The following TNN variants were observed in gnomAD, a reference collection of about 807,000 sequenced individuals.
TNN encodes the protein tenascin N, also known as tenascin-N.
A neutral mutation model predicts 134.4 loss-of-function variants in TNN; 122 were observed. The observed-to-expected ratio is 0.91, with a 90% CI of 0.78 to 1.06. The LOEUF is 1.06. TNN is among the 50% of genes least tolerant of loss of function. The pLI is 0.00. For synonymous variants in TNN, 710 were observed against 670.3 expected (o/e 1.06, Z -0.91); for missense variants, 1,739 against 1,699.4 (o/e 1.02, Z -0.41).
At chr1:175,126,911 A>T (rs770117868) in intron 12 of TNN, 44 bp from the exon 13 acceptor site, 1 of 1,571,056 alleles carries the variant, frequency 6.4e-7, no homozygotes, top group South Asian at 1.2e-5. Flanking sequence ...ACCTTGCCTC[A>T]GTTGTATCTT....
intron 17 of TNN, among the ~76,000 whole-genome samples, chr1:175,141,513 T>C (rs1675945163): frequency 6.6e-6 from 1 of 152,140 alleles, no homozygotes; most frequent in Non-Finnish European, 1.5e-5. Context: ...AATGGGTACC[T>C]GGATGAAAGG....
rs773607661 is a variant in TNN, at chr1:175,077,486, C to T, written c.68C>T (p.Ser23Leu). The change falls in exon 2 of 19, where the codon TCG becomes TTG. Residue 23 changes from serine (S) to leucine (L), a missense_variant. Transcript: ENST00000239462. ...LLLGSVLLVA[S>L]APATLEPPGC... ...CTTGGCTCTGTGCTCCTGGTGGCTT[C>T]GGCCCCAGCCACTCTGGAGCCTCCC... is the stretch of plus-strand genomic sequence containing the variant. The T allele has an allele frequency of 1.7e-5, 28 of 1,613,850 alleles. No homozygotes were observed. Among genetic ancestry groups the T allele is most frequent in the East Asian group, 1.6e-4 (7 of 44,874 alleles).
At chr1:175,138,364 C>T (rs912949864) in intron 17 of TNN, among the ~76,000 whole-genome samples, 1 of 152,136 alleles carries the variant, frequency 6.6e-6, no homozygotes, top group Non-Finnish European at 1.5e-5. Flanking sequence ...TTTCTATATA[C>T]ATAATCTTAG....
At position 175,077,626 on chromosome 1, in the gene TNN, G is replaced by A. The variant is rs41266076; in HGVS notation, c.208G>A (p.Ala70Thr). 9.2e-3 allele frequency: 14,807 copies of A among 1,614,214 alleles called. 102 individuals are homozygous for A. Among genetic ancestry groups the A allele is most frequent in the Non-Finnish European group, 0.011 (12,399 of 1,180,038 alleles). The part of the protein sequence containing the change: ...ADPQPLSDDG[A>T]SLLALGEARE... ...CCCTCAGCCCCTCAGTGACGATGGG[G>A]CTTCGCTCTTGGCCCTGGGGGAGGC... Residue 70 changes from alanine (A) to threonine (T), a missense_variant, in exon 2 of 19, where the codon GCT becomes ACT. Coordinates refer to ENST00000239462, the MANE Select transcript of TNN (RefSeq NM_022093.2).
At chr1:175,134,761 T>C (rs1030159742) in intron 15 of TNN, among the ~76,000 whole-genome samples, 2 of 152,074 alleles carry the variant, frequency 1.3e-5, no homozygotes, top group African/African-American at 4.8e-5. Flanking sequence ...TTCCATCTAT[T>C]CTCAGGGCAT....
At chr1:175,129,320 A>G (rs1366871338) in intron 15 of TNN, among the ~76,000 whole-genome samples, 2 of 152,172 alleles carry the variant, frequency 1.3e-5, no homozygotes, top group African/African-American at 2.4e-5. Context: ...TCCCTTAACC[A>G]TAAACATCTG....
chr1:175,146,069 T>C (rs1676062055), intron 18 of TNN, among the ~76,000 whole-genome samples: 1 of 152,120 alleles, frequency 6.6e-6, no homozygotes, highest in South Asian at 2.1e-4. Flanking sequence ...CCCTGACCAG[T>C]CTTCGGGACT....
Position 175,077,781 on chromosome 1 carries a change from G to A in TNN, c.363G>A (p.Glu121=), listed in dbSNP as rs1248951733. 6.2e-7 allele frequency: 1 copy of A among 1,614,252 alleles called. No individual in the cohort carries two copies. ...RVKKLEEEMV[E]MKEQCSAQRC... ...AGAAGCTGGAGGAAGAGATGGTGGA[G>A]ATGAAGGAACAGTGTAGTGCCCAGC... Residue 121 remains glutamate (E), a synonymous_variant, in exon 2 of 19, where the codon GAG becomes GAA. Transcript: ENST00000239462.
chr1:175,118,432 T>C (rs1441286346), intron 10 of TNN, 129 bp from the exon 11 acceptor site: 3 of 1,162,106 alleles, frequency 2.6e-6, no homozygotes, highest in Non-Finnish European at 3.7e-6. Flanking sequence ...CAGCTAAAAA[T>C]GAAACAAGAG....
chr1:175,086,568 C>T (rs1307540025), intron 6 of TNN, among the ~76,000 whole-genome samples: 1 of 152,108 alleles, frequency 6.6e-6, no homozygotes, highest in South Asian at 2.1e-4. Flanking sequence ...AGTTTTGAGT[C>T]TTCGTTGAAA....
At chr1:175,105,042 C>T (rs1574155930) in intron 9 of TNN, among the ~76,000 whole-genome samples, 1 of 145,924 alleles carries the variant, frequency 6.9e-6, no homozygotes, top group Non-Finnish European at 1.5e-5. Flanking sequence ...GGGAAGTTGT[C>T]CCTTTCTTCG....
At chr1:175,126,104 C>CTT (rs11410834) in intron 12 of TNN, among the ~76,000 whole-genome samples, 4,297 of 133,322 alleles carry the variant, frequency 0.032, 222 homozygotes, top group African/African-American at 0.098. Context: ...TTGTTTCTTT[C>CTT]TTTTTTTTTT....
At position 175,147,137 on chromosome 1, in the gene TNN, G is replaced by A; in HGVS notation, c.*66G>A. ...GTGGCAGCTTGGGGCGGGGTGGGTAGTGGTCACTGCGGTCTGGGAGTGCTC... is the reference window on the plus strand; with the variant it reads ...GTGGCAGCTTGGGGCGGGGTGGGTAATGGTCACTGCGGTCTGGGAGTGCTC... On this transcript the variant is annotated 3_prime_UTR_variant, in exon 19 of 19. Coordinates refer to ENST00000239462, the MANE Select transcript of TNN (RefSeq NM_022093.2). The A allele has an allele frequency of 1.4e-6, 2 of 1,414,560 alleles. No individual in the cohort carries two copies. The highest frequency in any genetic ancestry group is 1.9e-6 in the Non-Finnish European group (2 of 1,067,768). The allele number at this position is 1,414,560 out of a possible 1,614,324, so 87.6% of individuals were successfully genotyped here. A position where few individuals can be genotyped will look rare whatever the true frequency, so the allele number is the denominator to read the frequency against.
chr1:175,131,978 G>T (rs1422423236), intron 15 of TNN, among the ~76,000 whole-genome samples: 1 of 147,768 alleles, frequency 6.8e-6, no homozygotes, highest in Non-Finnish European at 1.5e-5. Context: ...CTCCTATCAA[G>T]CTTGGGCACT....
At chr1:175,129,826 C>T (rs1420730147) in intron 15 of TNN, among the ~76,000 whole-genome samples, 1 of 152,098 alleles carries the variant, frequency 6.6e-6, no homozygotes, top group African/African-American at 2.4e-5. Context: ...GGAGTTCAGA[C>T]CTCTGAACTG....
chr1:175,113,950 T>C (rs1303109563), intron 9 of TNN, among the ~76,000 whole-genome samples: 1 of 152,208 alleles, frequency 6.6e-6, no homozygotes, highest in Non-Finnish European at 1.5e-5. Flanking sequence ...TCATATCATG[T>C]ATTATTTTTC....
intron 12 of TNN, among the ~76,000 whole-genome samples, chr1:175,125,609 T>C (rs947560521): frequency 1.4e-5 from 2 of 146,586 alleles, no homozygotes; most frequent in Admixed American, 1.4e-4. Flanking sequence ...CTTTCTTTCT[T>C]TCTCTCTCTC....
chr1:175,069,430 C>A (rs1673871174), intron 1 of TNN, among the ~76,000 whole-genome samples: 1 of 152,204 alleles, frequency 6.6e-6, no homozygotes, highest in East Asian at 1.9e-4. Context: ...GCAGCTGACT[C>A]CCGAAGGAGG....
intron 8 of TNN, 71 bp downstream of exon 8, chr1:175,097,754 G>C: frequency 1.9e-6 from 3 of 1,583,594 alleles, no homozygotes; most frequent in South Asian, 1.2e-5. Flanking sequence ...GGTATCAAAG[G>C]ATGTGGCCTG....
Sources: gnomAD v4.1 joint callset for allele counts (sites outside exome capture counted in the v4.1 genomes callset) on GRCh38, gnomAD v4.1.1 for gene constraint, MANE v1.5 for transcripts, NCBI Gene and HGNC (gene_info 2026-07-23, HGNC 2026-07-21) for gene names.